ZNF185: variants seen among roughly 807,000 people sequenced by gnomAD.
ZNF185 encodes zinc finger protein 185 with LIM domain, also known as zinc finger protein 185.
ZNF185 carries 56 observed loss-of-function variants against 58.6 expected under a neutral mutation model. The ratio of observed to expected loss-of-function variants is 0.95; its 90% CI spans 0.77 to 1.19. The LOEUF is 1.19. ZNF185 is among the 50% of genes most tolerant of loss of function. The pLI is 0.00. For synonymous variants in ZNF185, 230 were observed against 215.9 expected (o/e 1.07, Z -0.57); for missense variants, 627 against 573.5 (o/e 1.09, Z -0.95).
intron 6 of ZNF185, among the ~76,000 whole-genome samples, chrX:152,918,476 T>A (rs1233289822): frequency 8.8e-6 from 1 of 113,154 alleles, no homozygotes; most frequent in East Asian, 2.8e-4. Context: ...CTTCCTGGGC[T>A]TGGCCCTGCA....
At chrX:152,936,504 C>G (rs1194474287) in intron 14 of ZNF185, 99 of 1,164,518 alleles carry the variant, frequency 8.5e-5, no homozygotes, top group Non-Finnish European at 1.1e-4. Context: ...CCTAGACCAG[C>G]AGCCATCAGG....
intron 9 of ZNF185, among the ~76,000 whole-genome samples, chrX:152,921,230 T>C (rs976484853): frequency 1.8e-5 from 2 of 111,935 alleles, no homozygotes; most frequent in African/African-American, 6.5e-5. Flanking sequence ...TCACCATTAG[T>C]TGAGACAGGG....
At chrX:152,922,517 C>T (rs961471107) in intron 10 of ZNF185, among the ~76,000 whole-genome samples, 1 of 112,104 alleles carries the variant, frequency 8.9e-6, no homozygotes, top group African/African-American at 3.2e-5. Context: ...GTCACCTTAA[C>T]CCTTGCACCA....
exon 23 of ZNF185, chrX:152,972,740 G>A (rs1371831095): frequency 1.2e-4 from 13 of 111,500 alleles, no homozygotes; most frequent in Admixed American, 1.1e-3. Context: ...GCAGATGTAA[G>A]CCTGTCCATG....
At chrX:152,937,052 G>T (rs1204994592) in intron 14 of ZNF185, among the ~76,000 whole-genome samples, 1 of 111,905 alleles carries the variant, frequency 8.9e-6, no homozygotes, top group Non-Finnish European at 1.9e-5. Flanking sequence ...AGTGGGCATG[G>T]CCACTTTGCT....
chrX:152,944,620 C>T (rs1445909142), intron 15 of ZNF185, among the ~76,000 whole-genome samples: 1 of 111,560 alleles, frequency 9.0e-6, no homozygotes, highest in Non-Finnish European at 1.9e-5. Context: ...TGGGGTGAGG[C>T]CAGGGAGGAC....
intron 15 of ZNF185, 39 bp from the exon 18 acceptor site, chrX:152,945,228 C>G (rs1486509398): frequency 1.3e-5 from 15 of 1,169,108 alleles, no homozygotes; most frequent in Non-Finnish European, 1.5e-5. Flanking sequence ...GGGTTAGTTT[C>G]AGAGCACTTT....
chrX:152,970,652 T>C, intron 22 of ZNF185, 111 bp downstream of exon 24: 1 of 645,918 alleles, frequency 1.5e-6, no homozygotes, highest in Non-Finnish European at 2.4e-6. Flanking sequence ...CTTTCTTGGC[T>C]CTTCCTTATG....
At chrX:152,938,889 ACTCAGGCGAT>A (rs1324246952) in intron 15 of ZNF185, among the ~76,000 whole-genome samples, 19 of 85,576 alleles carry the variant, frequency 2.2e-4, no homozygotes, top group South Asian at 5.3e-4. Flanking sequence ...GGAAAAGGCA[ACTCAGGCGAT>A]CTCCTCTAAA....
At chrX:152,943,817 C>T (rs2047508458) in intron 15 of ZNF185, among the ~76,000 whole-genome samples, 1 of 112,872 alleles carries the variant, frequency 8.9e-6, no homozygotes, top group African/African-American at 3.2e-5. Flanking sequence ...TGATTAAATC[C>T]ATAGTAAAGC....
intron 8 of ZNF185, 44 bp from the exon 10 acceptor site, chrX:152,920,663 C>T: frequency 8.3e-7 from 1 of 1,209,917 alleles, no homozygotes; most frequent in Non-Finnish European, 1.1e-6. Flanking sequence ...TGTCACCTGC[C>T]CACGGGCTCT....
chrX:152,937,101 C>T (rs782182430), intron 14 of ZNF185, among the ~76,000 whole-genome samples: 5 of 111,797 alleles, frequency 4.5e-5, no homozygotes, highest in Admixed American at 9.4e-5. Context: ...TAGTAAGGAA[C>T]GATCTTTCTT....
intron 16 of ZNF185, among the ~76,000 whole-genome samples, chrX:152,957,183 T>A (rs1216301488): frequency 9.2e-6 from 1 of 108,690 alleles, no homozygotes; most frequent in African/African-American, 3.4e-5. Context: ...TTCTCCTGCC[T>A]CAGCCTCTGG....
chrX:152,954,277 C>T (rs1242423817), intron 16 of ZNF185, among the ~76,000 whole-genome samples: 2 of 110,828 alleles, frequency 1.8e-5, no homozygotes, highest in African/African-American at 6.6e-5. Context: ...TGTGGTCAGC[C>T]GGTTCTCAGG....
the ZNF185 span, among the ~76,000 whole-genome samples, chrX:152,903,411 A>AG: frequency 1.6e-3 from 171 of 106,878 alleles, 1 homozygote; most frequent in African/African-American, 5.4e-3. Flanking sequence ...AAAAAAAAAA[A>AG]AAAAGAAAAG....
At chrX:152,917,979 C>G (rs1255286293) in intron 5 of ZNF185, 86 bp from the exon 7 acceptor site, 2 of 1,154,418 alleles carry the variant, frequency 1.7e-6, no homozygotes, top group East Asian at 3.3e-5. Flanking sequence ...CCTGGTCCAC[C>G]TCTCATGTGT....
intron 15 of ZNF185, among the ~76,000 whole-genome samples, chrX:152,939,508 A>G (rs1162799364): frequency 7.1e-5 from 8 of 112,334 alleles, no homozygotes; most frequent in African/African-American, 2.6e-4. Flanking sequence ...CTAGTTTATG[A>G]AATCTTGTCT....
chrX:152,963,877 T>TCACTGC (rs782762264), exon 18 of ZNF185: 1 of 1,211,790 alleles, frequency 8.3e-7, no homozygotes, highest in Admixed American at 2.2e-5. Flanking sequence ...ACTGTTACTG[T>TCACTGC]CACTGCCACA....
chrX:152,931,720 C>T (rs1437988239), exon 13 of ZNF185: 1 of 1,210,789 alleles, frequency 8.3e-7, no homozygotes, highest in African/African-American at 1.7e-5. Flanking sequence ...CCAGAGAGCT[C>T]CAGAGGGACT....
Sources: allele counts gnomAD v4.1 joint callset (sites outside exome capture counted in the v4.1 genomes callset), GRCh38; gene constraint gnomAD v4.1.1; transcripts MANE v1.5; gene names NCBI Gene and HGNC (gene_info 2026-07-23, HGNC 2026-07-21).